Variants in SRGAP1 observed in about 807,000 individuals in gnomAD.
SRGAP1 encodes SLIT-ROBO Rho GTPase activating protein 1.
In SRGAP1, 43 loss-of-function variants were observed where a neutral mutation model predicts 121.9. That is an observed-to-expected ratio of 0.35 (90% CI 0.28 to 0.46). The LOEUF (loss-of-function observed/expected upper bound fraction) is 0.46, where lower values mean the gene tolerates loss of function less well. SRGAP1 is among the 20% of genes least tolerant of loss of function. SRGAP1 has a pLI of 1.00. For missense variants in SRGAP1, 1,102 were observed against 1,350.9 expected, an observed-to-expected ratio of 0.82 and a Z score of 2.89; for synonymous variants, 447 against 485.4, an observed-to-expected ratio of 0.92 and a Z score of 1.04.
intron 1 of SRGAP1, among the ~76,000 whole-genome samples, chr12:63,892,479 T>C (rs1366934642): frequency 6.6e-6 from 1 of 152,240 alleles, no homozygotes; most frequent in Non-Finnish European, 1.5e-5. Context: ...CTTTATCTTT[T>C]AGAGTTAGAA....
intron 1 of SRGAP1, among the ~76,000 whole-genome samples, chr12:63,953,592 A>G (rs1368837184): frequency 6.6e-6 from 1 of 151,412 alleles, no homozygotes; most frequent in African/African-American, 2.4e-5. Flanking sequence ...TTTTTTTTAC[A>G]GACAAGATTT....
At chr12:64,034,501 T>C (rs549891055) in intron 4 of SRGAP1, among the ~76,000 whole-genome samples, 1 of 152,298 alleles carries the variant, frequency 6.6e-6, no homozygotes, top group Non-Finnish European at 1.5e-5. Context: ...TTTCTTCCTT[T>C]TACCTCTATT....
chr12:63,847,713 T>C (rs1269324790), intron 1 of SRGAP1, among the ~76,000 whole-genome samples: 1 of 151,998 alleles, frequency 6.6e-6, no homozygotes, highest in Non-Finnish European at 1.5e-5. Flanking sequence ...GCCACTGCAC[T>C]CCAGCCTGGC....
At chr12:63,881,626 TA>T (rs1309865429) in intron 1 of SRGAP1, among the ~76,000 whole-genome samples, 1 of 152,230 alleles carries the variant, frequency 6.6e-6, no homozygotes, top group African/African-American at 2.4e-5. Flanking sequence ...ATAATTCAGG[TA>T]AAGCACCGAG....
intron 1 of SRGAP1, among the ~76,000 whole-genome samples, chr12:63,875,549 T>A (rs1317597811): frequency 6.6e-6 from 1 of 152,212 alleles, no homozygotes; most frequent in African/African-American, 2.4e-5. Flanking sequence ...TCTTTAAAAA[T>A]TTTTTAAAGA....
intron 1 of SRGAP1, among the ~76,000 whole-genome samples, chr12:63,852,580 A>G (rs1342107978): frequency 6.6e-6 from 1 of 152,226 alleles, no homozygotes; most frequent in African/African-American, 2.4e-5. Flanking sequence ...CTAAAAGCAC[A>G]TTCCTGGCCC....
intron 21 of SRGAP1, among the ~76,000 whole-genome samples, chr12:64,136,383 T>G (rs1296635102): frequency 6.6e-6 from 1 of 152,186 alleles, no homozygotes; most frequent in Non-Finnish European, 1.5e-5. Context: ...TATGTATGTT[T>G]ATAATCAGTG....
chr12:64,093,148 C>T (rs547153298), intron 12 of SRGAP1, among the ~76,000 whole-genome samples: 13 of 152,170 alleles, frequency 8.5e-5, no homozygotes, highest in East Asian at 1.9e-4. Context: ...TTGGGAAAAC[C>T]GACACCAAGG....
intron 1 of SRGAP1, among the ~76,000 whole-genome samples, chr12:63,880,010 T>C (rs1297892202): frequency 3.9e-5 from 6 of 152,262 alleles, no homozygotes; most frequent in African/African-American, 1.4e-4. Context: ...CCATGTGTCA[T>C]GGGAGGGACC....
rs569930515 is a variant in SRGAP1, at chr12:64,057,833, C to T, written c.802-5084C>T. ...GAAGAGAGTAATTCCTTTCCATTCT[C>T]ACGACAACTGCTGAATTCTGGAGTC... On this transcript the variant is annotated intron_variant, in intron 6 of 21. Coordinates refer to ENST00000355086, the MANE Select transcript of SRGAP1 (RefSeq NM_020762.4). Among the ~76,000 whole-genome samples, 36 of 152,286 alleles carry T rather than the reference C, an allele frequency of 2.4e-4. 1 individual carries two copies. The South Asian group carries it at 7.3e-3, about 31-fold the overall frequency.
intron 3 of SRGAP1, among the ~76,000 whole-genome samples, chr12:63,999,650 C>T (rs1239475403): frequency 6.6e-6 from 1 of 152,046 alleles, no homozygotes; most frequent in African/African-American, 2.4e-5. Flanking sequence ...GGAGAAGGCT[C>T]AGGACACAGA....
intron 8 of SRGAP1, among the ~76,000 whole-genome samples, chr12:64,076,063 C>G (rs1204136660): frequency 6.6e-6 from 1 of 152,142 alleles, no homozygotes; most frequent in East Asian, 1.9e-4. Context: ...CATATCTTCC[C>G]AAAAGGAAGA....
chr12:64,114,592 C>A (rs1353020118), intron 17 of SRGAP1, among the ~76,000 whole-genome samples: 3 of 152,142 alleles, frequency 2.0e-5, no homozygotes, highest in Non-Finnish European at 4.4e-5. Flanking sequence ...CTCAGGTGAT[C>A]CACCCACCTT....
At chr12:64,080,256 A>AT in intron 9 of SRGAP1, 30 bp from the exon 10 acceptor site, 1 of 1,531,826 alleles carries the variant, frequency 6.5e-7, no homozygotes, top group Non-Finnish European at 8.9e-7. Flanking sequence ...AAAAAAAAAA[A>AT]GATTTAAAAA....
intron 1 of SRGAP1, among the ~76,000 whole-genome samples, chr12:63,952,250 TGCCTGTA>T (rs1334267259): frequency 1.1e-4 from 16 of 152,204 alleles, no homozygotes; most frequent in Non-Finnish European, 1.5e-5. Context: ...CAGTGGCTCA[TGCCTGTA>T]ATCCAGCATT....
chr12:63,961,639 G>A (rs1438940037), intron 1 of SRGAP1, among the ~76,000 whole-genome samples: 2 of 152,172 alleles, frequency 1.3e-5, no homozygotes, highest in African/African-American at 4.8e-5. Flanking sequence ...GATAGTGGGT[G>A]GTAGGTGCAT....
At chr12:64,072,392 G>C (rs2035658229) in intron 8 of SRGAP1, among the ~76,000 whole-genome samples, 1 of 152,060 alleles carries the variant, frequency 6.6e-6, no homozygotes. Flanking sequence ...GGTATGATTT[G>C]TGTCCGCCCT....
chr12:63,863,472 A>G (rs946011651), intron 1 of SRGAP1, among the ~76,000 whole-genome samples: 2 of 151,958 alleles, frequency 1.3e-5, no homozygotes, highest in Admixed American at 6.6e-5. Flanking sequence ...GGGTTTCACC[A>G]TGTTGGCCAG....
intron 1 of SRGAP1, among the ~76,000 whole-genome samples, chr12:63,892,646 T>G (rs1174968470): frequency 6.6e-6 from 1 of 152,192 alleles, no homozygotes; most frequent in African/African-American, 2.4e-5. Context: ...AAGCACCATA[T>G]GTAGCTCTTT....
Sources: allele counts gnomAD v4.1 joint callset (sites outside exome capture counted in the v4.1 genomes callset), GRCh38; gene constraint gnomAD v4.1.1; transcripts MANE v1.5; gene names NCBI Gene and HGNC (gene_info 2026-07-23, HGNC 2026-07-21).